The following CACNA1E variants were observed in gnomAD, a reference collection of about 807,000 sequenced individuals.
CACNA1E encodes calcium voltage-gated channel subunit alpha1 E, also known as voltage-dependent R-type calcium channel subunit alpha-1E.
In CACNA1E, 40 loss-of-function variants were observed where a neutral mutation model predicts 259.2. The ratio of observed to expected loss-of-function variants is 0.15; its 90% CI spans 0.12 to 0.20. The LOEUF is 0.20. Ranked by LOEUF, CACNA1E falls within the 10% of genes least tolerant of loss-of-function variation. The pLI is 1.00. For missense variants in CACNA1E, 1,874 were observed against 3,040.1 expected (o/e 0.62, Z 9.02); for synonymous variants, 1,104 against 1,138.5 (o/e 0.97, Z 0.61).
intron 1 of CACNA1E, among the ~76,000 whole-genome samples, chr1:181,320,958 T>G (rs1172499327): frequency 6.6e-6 from 1 of 152,116 alleles, no homozygotes; most frequent in African/African-American, 2.4e-5. Context: ...AGAAGCATGG[T>G]GCCAACATCC....
At chr1:181,660,619 A>C (rs1647557335) in intron 7 of CACNA1E, among the ~76,000 whole-genome samples, 1 of 152,206 alleles carries the variant, frequency 6.6e-6, no homozygotes. Flanking sequence ...GTGCCATTGC[A>C]TCTTAGGAGG....
chr1:181,452,968 C>T (rs1389715388), intron 2 of CACNA1E, among the ~76,000 whole-genome samples: 1 of 152,194 alleles, frequency 6.6e-6, no homozygotes, highest in Non-Finnish European at 1.5e-5. Context: ...CCCAGACATG[C>T]ATTGTTGCTG....
Position 181,335,897 on chromosome 1 carries a change from CACCACAGACTGTCTGAGCCATATGGG to C in CACNA1E, c.-15+17775_-15+17800del, listed in dbSNP as rs1180217016. Among the ~76,000 whole-genome samples the C allele has an allele frequency of 4.6e-5, 7 of 152,162 alleles. No homozygotes were observed. The East Asian group carries it at 1.3e-3, about 29-fold the overall frequency. On this transcript the variant is annotated intron_variant, in intron 1 of 11. Transcript: ENST00000524607. ...CCAGTCCTTGGCCCCCACCCTAGAG[CACCACAGACTGTCTGAGCCATATGGG>C]GCCATAGAGATCTCATAGTCCAACT... is the stretch of plus-strand genomic sequence containing the variant.
chr1:181,662,815 C>T (rs1434795731), intron 7 of CACNA1E, among the ~76,000 whole-genome samples: 3 of 152,202 alleles, frequency 2.0e-5, no homozygotes, highest in African/African-American at 7.2e-5. Flanking sequence ...CCATCCATGG[C>T]ACCCTACAGG....
intron 1 of CACNA1E, among the ~76,000 whole-genome samples, chr1:181,497,944 A>C (rs1382516770): frequency 6.6e-6 from 1 of 152,184 alleles, no homozygotes. Context: ...TTGAGTCGGA[A>C]TCTGAGATCT....
chr1:181,358,757 T>A lies in CACNA1E; in HGVS notation c.-15+40634T>A, dbSNP rs1653640727. ...CCCATCAATGTAAAGCAGGCTTCTATAAACTGTCCTCCCTCAGAAGTACAC... is the reference window on the plus strand; with the variant it reads ...CCCATCAATGTAAAGCAGGCTTCTAAAAACTGTCCTCCCTCAGAAGTACAC... On this transcript the variant is annotated intron_variant, in intron 1 of 11. Transcript: ENST00000524607. 2.0e-5 allele frequency among the ~76,000 whole-genome samples: 3 copies of A among 152,238 alleles called. No individual in the cohort carries two copies. The South Asian group carries it at 6.2e-4, about 32-fold the overall frequency.
chr1:181,374,208 T>C (rs999487820), intron 1 of CACNA1E, among the ~76,000 whole-genome samples: 78 of 152,168 alleles, frequency 5.1e-4, no homozygotes, highest in Admixed American at 5.0e-3. Flanking sequence ...TTGATCTTTG[T>C]TTTCATTAGT....
chr1:181,718,306 G>A lies in CACNA1E; in HGVS notation c.1638+139G>A. 4 of 577,950 alleles carry A rather than the reference G, an allele frequency of 6.9e-6. No individual in the cohort carries two copies. In the South Asian group the frequency reaches 8.7e-5, roughly 13 times the overall value. The allele number at this position is 577,950 out of a possible 1,614,324, so 35.8% of individuals were successfully genotyped here. A position where few individuals can be genotyped will look rare whatever the true frequency, so the allele number is the denominator to read the frequency against. On this transcript the variant is annotated intron_variant, in intron 12 of 47. Coordinates refer to ENST00000367573, the MANE Select transcript of CACNA1E (RefSeq NM_001205293.3). Reference sequence around the variant, plus strand: ...CGGAATAGATAAGATTAGCTAAAGGGAATTCAGAAGCGAGTGAATCCTTCC... The same window carrying A: ...CGGAATAGATAAGATTAGCTAAAGGAAATTCAGAAGCGAGTGAATCCTTCC...
intron 7 of CACNA1E, among the ~76,000 whole-genome samples, chr1:181,680,961 C>T (rs1326968540): frequency 6.6e-6 from 1 of 152,212 alleles, no homozygotes; most frequent in Non-Finnish European, 1.5e-5. Flanking sequence ...CCAATGCTAC[C>T]TTTTCAACAA....
chr1:181,755,364 C>T lies in CACNA1E; in HGVS notation c.3956C>T (p.Thr1319Met). 6.2e-7 allele frequency: 1 copy of T among 1,613,880 alleles called. No individual in the cohort carries two copies. The highest frequency in any genetic ancestry group is 8.5e-7 in the Non-Finnish European group (1 of 1,179,768). Residue 1319 changes from threonine (T) to methionine (M), a missense_variant, in exon 28 of 48, where the codon ACG becomes ATG. Thr to Met is a moderately conservative substitution (Grantham distance 81). Around this residue, in one of 14 missense-constraint regions of CACNA1E, gnomAD observed 188 missense variants for 540.6 expected, o/e 0.35. Transcript: ENST00000367573. ...TTCAAGGGAAAGTTCTTTTATTGCA[C>T]GGACAGTTCCAAGGACACAGAGAAG... is the stretch of plus-strand genomic sequence containing the variant. ...QLFKGKFFYC[T>M]DSSKDTEKEC...
chr1:181,582,434 G>T (rs1484515323), intron 6 of CACNA1E, among the ~76,000 whole-genome samples: 7 of 152,218 alleles, frequency 4.6e-5, no homozygotes, highest in African/African-American at 7.2e-5. Context: ...GCCCTGCAGT[G>T]GCTGGTGTCA....
intron 1 of CACNA1E, among the ~76,000 whole-genome samples, chr1:181,378,602 A>C (rs113617032): frequency 6.6e-6 from 1 of 152,238 alleles, no homozygotes; most frequent in Non-Finnish European, 1.5e-5. Flanking sequence ...CTGAGTACTT[A>C]TAAGTGCATG....
intron 2 of CACNA1E, among the ~76,000 whole-genome samples, chr1:181,426,839 C>T (rs1659298295): frequency 6.7e-6 from 1 of 150,226 alleles, no homozygotes; most frequent in South Asian, 2.1e-4. Context: ...CCATCTAAAC[C>T]CCTTCACATG....
chr1:181,520,247 G>C (rs1666891860), intron 3 of CACNA1E, among the ~76,000 whole-genome samples: 1 of 152,130 alleles, frequency 6.6e-6, no homozygotes, highest in Non-Finnish European at 1.5e-5. Context: ...TAGTTACTAA[G>C]GGGAGAGATT....
chr1:181,443,985 C>A (rs2102307758), intron 2 of CACNA1E, among the ~76,000 whole-genome samples: 1 of 152,366 alleles, frequency 6.6e-6, no homozygotes, highest in South Asian at 2.1e-4. Context: ...TTGCATTAAA[C>A]ATCATCTAAA....
intron 2 of CACNA1E, among the ~76,000 whole-genome samples, chr1:181,420,882 A>C (rs1658680714): frequency 6.6e-6 from 1 of 152,206 alleles, no homozygotes; most frequent in Non-Finnish European, 1.5e-5. Flanking sequence ...TTGCCTGTTT[A>C]CATGTCTGTG....
intron 6 of CACNA1E, among the ~76,000 whole-genome samples, chr1:181,613,476 T>A (rs749983979): frequency 2.6e-5 from 4 of 152,222 alleles, no homozygotes; most frequent in Non-Finnish European, 4.4e-5. Context: ...ATATTTACTA[T>A]GATTAAGCCT....
chr1:181,667,857 CT>C (rs981577395), intron 7 of CACNA1E, among the ~76,000 whole-genome samples: 16 of 148,464 alleles, frequency 1.1e-4, no homozygotes, highest in Non-Finnish European at 1.5e-4. Flanking sequence ...TTTTTTTTAA[CT>C]TTTTTTTTGA....
At chr1:181,396,015 G>A (rs1394612436) in intron 1 of CACNA1E, among the ~76,000 whole-genome samples, 2 of 152,204 alleles carry the variant, frequency 1.3e-5, no homozygotes, top group African/African-American at 2.4e-5. Context: ...TCTCTTGCGG[G>A]TTGAAATTAA....
Sources: allele counts gnomAD v4.1 joint callset (sites outside exome capture counted in the v4.1 genomes callset), GRCh38; gene constraint gnomAD v4.1.1; regional missense constraint gnomAD v4.1.1; transcripts MANE v1.5; gene names NCBI Gene and HGNC (gene_info 2026-07-23, HGNC 2026-07-21).